Variants in PDS5A observed in about 807,000 individuals in gnomAD.
PDS5A encodes the protein sister chromatid cohesion protein PDS5 homolog A.
Under a neutral mutation model 167.1 loss-of-function variants are expected in PDS5A, and 42 were observed. The ratio of observed to expected loss-of-function variants is 0.25; its 90% confidence interval spans 0.20 to 0.33. The LOEUF is 0.33. PDS5A is among the 10% of genes least tolerant of loss of function. The pLI is 1.00. For synonymous variants in PDS5A, 553 were observed against 554.6 expected, an observed-to-expected ratio of 1.00 and a Z score of 0.04; for missense variants, 1,033 against 1,605.9, an observed-to-expected ratio of 0.64 and a Z score of 6.10.
At chr4:39,835,344 A>G (rs1378822040) in intron 32 of PDS5A, among the ~76,000 whole-genome samples, 1 of 152,232 alleles carries the variant, frequency 6.6e-6, no homozygotes, top group Non-Finnish European at 1.5e-5. Flanking sequence ...TACTACTAGC[A>G]TATTTAAGAT....
chr4:39,937,570 T>G (rs1726747333), intron 2 of PDS5A, among the ~76,000 whole-genome samples: 1 of 152,088 alleles, frequency 6.6e-6, no homozygotes. Context: ...AATGCCACCA[T>G]GTGCAACTAA....
rs778203529 is a variant in PDS5A at position 39,898,789 on chromosome 4, T to A, written c.1618A>T (p.Met540Leu). 2 of 1,586,822 alleles carry A rather than the reference T, an allele frequency of 1.3e-6. No individual in the cohort carries two copies. The highest frequency in any genetic ancestry group is 2.3e-5 in the South Asian group (2 of 87,458). The change falls in exon 15 of 33, where the codon ATG becomes TTG. Residue 540 changes from methionine to leucine, a missense_variant. Physicochemically the swap from Met to Leu is conservative, Grantham distance 15 (BLOSUM62 2). Transcript: ENST00000303538. ...TAAACATACTCACTTGCTATGGTCA[T>A]CAGTTTTCCAAACATGGCAGAACAG... ...ANCSAMFGKL[M>L]TIAKNLPDPG... is the part of the protein sequence containing the mutation.
chr4:39,935,004 T>A (rs1726456079), intron 2 of PDS5A, among the ~76,000 whole-genome samples: 5 of 152,180 alleles, frequency 3.3e-5, no homozygotes, highest in Admixed American at 3.3e-4. Context: ...ATTTAATTGA[T>A]GAAGGATTTA....
chr4:39,918,043 G>C (rs1331181438), intron 7 of PDS5A, among the ~76,000 whole-genome samples: 4 of 151,950 alleles, frequency 2.6e-5, no homozygotes, highest in Non-Finnish European at 5.9e-5. Flanking sequence ...TCTGGGTGTG[G>C]TAGTGCATGC....
chr4:39,923,638 A>AACACACACATACACACAC (rs1553902729), intron 5 of PDS5A, among the ~76,000 whole-genome samples: 1 of 125,212 alleles, frequency 8.0e-6, no homozygotes. Flanking sequence ...CCTGTCTCAA[A>AACACACACATACACACAC]ACACACACAC....
chr4:39,890,815 C>T (rs1211492294), intron 16 of PDS5A, among the ~76,000 whole-genome samples: 1 of 151,952 alleles, frequency 6.6e-6, no homozygotes, highest in African/African-American at 2.4e-5. Flanking sequence ...CGGGGCTTCA[C>T]CATGTTGGCC....
intron 8 of PDS5A, among the ~76,000 whole-genome samples, chr4:39,916,830 C>A (rs916224915): frequency 1.3e-5 from 2 of 151,794 alleles, no homozygotes; most frequent in Non-Finnish European, 2.9e-5. Flanking sequence ...TGCGCCATTG[C>A]ACTCCAGCCT....
intron 30 of PDS5A, among the ~76,000 whole-genome samples, chr4:39,842,909 T>TTATATATATATATA (rs71194933): frequency 0.048 from 4,391 of 91,808 alleles, 231 homozygotes; most frequent in African/African-American, 0.059. Flanking sequence ...TATCCTATTT[T>TTATATATATATATA]TATATATATA....
intron 2 of PDS5A, among the ~76,000 whole-genome samples, chr4:39,968,258 T>C (rs1026961808): frequency 6.6e-5 from 10 of 151,918 alleles, no homozygotes; most frequent in African/African-American, 1.9e-4. Context: ...ACCAGACCTA[T>C]AAGTGTATTT....
At chr4:39,840,546 C>A (rs1484387098) in intron 31 of PDS5A, among the ~76,000 whole-genome samples, 1 of 152,160 alleles carries the variant, frequency 6.6e-6, no homozygotes, top group African/African-American at 2.4e-5. Flanking sequence ...CAGGTGCACA[C>A]CACCACGCCC....
intron 2 of PDS5A, among the ~76,000 whole-genome samples, chr4:39,965,980 T>G (rs995495398): frequency 6.6e-6 from 1 of 152,196 alleles, no homozygotes; most frequent in African/African-American, 2.4e-5. Flanking sequence ...TTAAAATACC[T>G]TTTAAAAAGT....
intron 10 of PDS5A, chr4:39,909,991 G>C (rs565891467): frequency 1.2e-5 from 4 of 321,464 alleles, no homozygotes; most frequent in Non-Finnish European, 1.7e-5. Context: ...TAATACTCGG[G>C]ATCTCAAAGT....
chr4:39,919,379 CTCACGCCTGTAA>C (rs1724703341), intron 7 of PDS5A, among the ~76,000 whole-genome samples: 1 of 152,206 alleles, frequency 6.6e-6, no homozygotes, highest in Non-Finnish European at 1.5e-5. Context: ...GGTGCGGTGG[CTCACGCCTGTAA>C]TCCCAGCACT....
intron 11 of PDS5A, among the ~76,000 whole-genome samples, chr4:39,907,680 G>A (rs1249927819): frequency 3.3e-5 from 5 of 151,152 alleles, no homozygotes; most frequent in East Asian, 1.9e-4. Flanking sequence ...TCCGCCTCCC[G>A]GGTTCACGCC....
chr4:39,914,158 ATTTGTTTTTTT>A (rs1724139215), intron 8 of PDS5A, among the ~76,000 whole-genome samples: 1 of 133,348 alleles, frequency 7.5e-6, no homozygotes, highest in Admixed American at 7.7e-5. Flanking sequence ...TGATATACAA[ATTTGTTTTTTT>A]TTTTTTTTTT....
chr4:39,852,465 C>T (rs1560427437), intron 26 of PDS5A, among the ~76,000 whole-genome samples: 3 of 152,074 alleles, frequency 2.0e-5, no homozygotes, highest in South Asian at 2.1e-4. Flanking sequence ...TATCTTTTCA[C>T]TGAACTCTCT....
At chr4:39,956,344 T>C (rs1023816812) in intron 2 of PDS5A, among the ~76,000 whole-genome samples, 1 of 150,384 alleles carries the variant, frequency 6.6e-6, no homozygotes, top group African/African-American at 2.4e-5. Context: ...AATACAAAAA[T>C]TAGCCAGGTA....
At position 39,888,077 on chromosome 4, in the gene PDS5A, C is replaced by T. The variant is rs183068506; in HGVS notation, c.1886+2172G>A. 6.9e-3 allele frequency among the ~76,000 whole-genome samples: 1,054 copies of T among 151,918 alleles called. 18 individuals carry two copies. The highest frequency in any genetic ancestry group is 6.7e-3 in the Non-Finnish European group (454 of 67,938). On this transcript the variant is annotated intron_variant, in intron 17 of 32. Coordinates refer to ENST00000303538, the MANE Select transcript of PDS5A (RefSeq NM_001100399.2). ...CCATCCTGGCCAACATGGTGAAACC[C>T]GGTCTCTACTAAAAAACAAAAATTA...
intron 2 of PDS5A, chr4:39,933,527 T>C (rs907657230): frequency 4.6e-5 from 7 of 152,146 alleles, no homozygotes; most frequent in African/African-American, 1.7e-4. Flanking sequence ...GAATTCCCAA[T>C]TGCACTTGAT....
Sources: allele counts gnomAD v4.1 joint callset (sites outside exome capture counted in the v4.1 genomes callset), GRCh38; gene constraint gnomAD v4.1.1; transcripts MANE v1.5; gene names NCBI Gene and HGNC (gene_info 2026-07-23, HGNC 2026-07-21).